LRP1B: variants seen among roughly 807,000 people sequenced by gnomAD.
LRP1B encodes low-density lipoprotein receptor-related protein 1B.
Under a neutral mutation model 556.6 loss-of-function variants are expected in LRP1B, and 217 were observed. The ratio of observed to expected loss-of-function variants is 0.39; its 90% CI spans 0.35 to 0.44. The LOEUF (loss-of-function observed/expected upper bound fraction) is 0.44, where lower values mean the gene tolerates loss of function less well. Among genes scored for constraint, LRP1B ranks in the 20% least tolerant of loss-of-function variants. The pLI, the probability that LRP1B is intolerant of heterozygous loss-of-function variation, is 1.00. For synonymous variants in LRP1B, 2,047 were observed against 1,865.8 expected (o/e 1.10, Z -2.50); for missense variants, 5,053 against 5,620.8 (o/e 0.90, Z 3.23).
intron 1 of LRP1B, among the ~76,000 whole-genome samples, chr2:142,023,347 T>G (rs1473114045): frequency 6.6e-6 from 1 of 152,238 alleles, no homozygotes; most frequent in Non-Finnish European, 1.5e-5. Flanking sequence ...TTCATTTCAA[T>G]GCCTTGGAGT....
intron 82 of LRP1B, among the ~76,000 whole-genome samples, chr2:140,318,207 A>G (rs1241931852): frequency 7.2e-5 from 11 of 152,254 alleles, no homozygotes; most frequent in Admixed American, 7.2e-4. Flanking sequence ...TTCAGCAATC[A>G]ATAATTCTGA....
chr2:141,247,475 T>A, intron 4 of LRP1B, 121 bp from the exon 5 acceptor site: 1 of 1,156,914 alleles, frequency 8.6e-7, no homozygotes, highest in Non-Finnish European at 1.2e-6. Context: ...CCAATTCCAA[T>A]AAGTCTTTTC....
At chr2:140,483,631 TATATATATA>T (rs1300767217) in intron 59 of LRP1B, among the ~76,000 whole-genome samples, 2 of 47,108 alleles carry the variant, frequency 4.2e-5, no homozygotes, top group African/African-American at 1.3e-4. Flanking sequence ...TATATATATA[TATATATATA>T]TTTTTTTTTT....
chr2:141,037,680 A>T (rs573440189), intron 11 of LRP1B, among the ~76,000 whole-genome samples: 1 of 152,016 alleles, frequency 6.6e-6, no homozygotes, highest in South Asian at 2.1e-4. Context: ...TGGCAGATAA[A>T]TATCTTTGAT....
chr2:141,957,658 T>A (rs556989188), intron 1 of LRP1B, among the ~76,000 whole-genome samples: 1 of 152,018 alleles, frequency 6.6e-6, no homozygotes, highest in Non-Finnish European at 1.5e-5. Flanking sequence ...CAGTTCTTGT[T>A]TTTTACAGAT....
chr2:141,350,579 T>C (rs1000045681), intron 3 of LRP1B, among the ~76,000 whole-genome samples: 1 of 152,078 alleles, frequency 6.6e-6, no homozygotes, highest in African/African-American at 2.4e-5. Context: ...GAAAAAATCA[T>C]TTTGGTAAAA....
At chr2:140,527,038 T>C (rs1690468443) in intron 47 of LRP1B, among the ~76,000 whole-genome samples, 1 of 151,936 alleles carries the variant, frequency 6.6e-6, no homozygotes, top group Admixed American at 6.6e-5. Context: ...TCAAGGAACA[T>C]ATACACGTGT....
At chr2:142,071,966 C>CCATA (rs1434384669) in intron 1 of LRP1B, among the ~76,000 whole-genome samples, 1 of 151,922 alleles carries the variant, frequency 6.6e-6, no homozygotes, top group Non-Finnish European at 1.5e-5. Flanking sequence ...AAGAAAAGCA[C>CCATA]CATAGTCTGC....
At chr2:141,078,155 G>A (rs1699838022) in intron 7 of LRP1B, among the ~76,000 whole-genome samples, 1 of 151,984 alleles carries the variant, frequency 6.6e-6, no homozygotes, top group Non-Finnish European at 1.5e-5. Flanking sequence ...GAAGTCAAAT[G>A]TTCTACTGTC....
intron 3 of LRP1B, among the ~76,000 whole-genome samples, chr2:141,333,169 G>T (rs149723237): frequency 8.3e-4 from 126 of 152,168 alleles, no homozygotes; most frequent in African/African-American, 2.9e-3. Flanking sequence ...ACACACAAAT[G>T]ACTTTAAGAG....
In LRP1B at chr2:141,490,369, T is replaced by TTGTGTGTGTG. The variant is rs557540972; in HGVS notation, c.206-9837_206-9836insCACACACACA. On this transcript the variant is annotated intron_variant, in intron 2 of 90. Coordinates refer to ENST00000389484, the MANE Select transcript of LRP1B (RefSeq NM_018557.3). Reference sequence around the variant, plus strand: ...AAAATATTGTCATGTTAAAATAGCCTCGTGTGTGTGTGTGTGTGTGTGTGT... The same window carrying TTGTGTGTGTG: ...AAAATATTGTCATGTTAAAATAGCCTTGTGTGTGTGCGTGTGTGTGTGTGTGTGTGTGTGT... Among the ~76,000 whole-genome samples, 300 of 108,638 alleles carry TTGTGTGTGTG rather than the reference T, an allele frequency of 2.8e-3. 2 individuals carry two copies. The highest frequency in any genetic ancestry group is 0.013 in the Middle Eastern group (3 of 240). The allele number at this position is 108,638 out of a possible 152,430, so 71.3% of individuals were successfully genotyped here.
intron 7 of LRP1B, among the ~76,000 whole-genome samples, chr2:141,121,792 A>G (rs1701057512): frequency 6.6e-6 from 1 of 152,186 alleles, no homozygotes; most frequent in African/African-American, 2.4e-5. Flanking sequence ...CCTCATTGCC[A>G]AGACAATCCT....
chr2:141,221,889 G>A (rs1439123262), intron 6 of LRP1B, among the ~76,000 whole-genome samples: 1 of 152,150 alleles, frequency 6.6e-6, no homozygotes, highest in African/African-American at 2.4e-5. Flanking sequence ...TGAGAACAAA[G>A]AGACAACATA....
At chr2:141,174,828 G>T (rs1036233972) in intron 7 of LRP1B, among the ~76,000 whole-genome samples, 3 of 152,078 alleles carry the variant, frequency 2.0e-5, no homozygotes, top group African/African-American at 7.2e-5. Flanking sequence ...GAAGATGTGG[G>T]AAAGACTGGA....
At chr2:141,466,815 T>C (rs533903154) in intron 3 of LRP1B, among the ~76,000 whole-genome samples, 1 of 152,182 alleles carries the variant, frequency 6.6e-6, no homozygotes, top group East Asian at 1.9e-4. Flanking sequence ...TATAACCTTT[T>C]TTTAATATGA....
At chr2:141,401,844 C>A (rs1405182318) in intron 3 of LRP1B, among the ~76,000 whole-genome samples, 1 of 152,122 alleles carries the variant, frequency 6.6e-6, no homozygotes, top group South Asian at 2.1e-4. Flanking sequence ...TTTTCAAGTT[C>A]TCTATGCTTT....
chr2:140,787,068 G>A (rs115702009), intron 32 of LRP1B, among the ~76,000 whole-genome samples: 2,629 of 152,242 alleles, frequency 0.017, 75 homozygotes, highest in African/African-American at 0.06. Flanking sequence ...AAGAAGGAAA[G>A]AACTACTCAG....
chr2:141,461,183 T>C (rs914808024), intron 3 of LRP1B, among the ~76,000 whole-genome samples: 1 of 151,932 alleles, frequency 6.6e-6, no homozygotes, highest in Non-Finnish European at 1.5e-5. Flanking sequence ...TGAAGGAGAC[T>C]CAAAAGGCAC....
chr2:141,764,249 C>T (rs188847243), intron 2 of LRP1B, among the ~76,000 whole-genome samples: 190 of 152,060 alleles, frequency 1.2e-3, no homozygotes, highest in South Asian at 8.5e-3. Context: ...GGGGCGATCT[C>T]GGCTCACTGC....
Sources: gnomAD v4.1 joint callset for allele counts (sites outside exome capture counted in the v4.1 genomes callset) on GRCh38, gnomAD v4.1.1 for gene constraint, MANE v1.5 for transcripts, NCBI Gene and HGNC (gene_info 2026-07-23, HGNC 2026-07-21) for gene names.